Variants in REEP3 observed in about 807,000 individuals in gnomAD.
The protein encoded by REEP3 is receptor expression-enhancing protein 3.
REEP3 carries 20 observed loss-of-function variants against 41.3 expected under a neutral mutation model. The ratio of observed to expected loss-of-function variants is 0.48; its 90% CI spans 0.34 to 0.70. The LOEUF (loss-of-function observed/expected upper bound fraction) is 0.70. Ranked by LOEUF, REEP3 falls within the 30% of genes least tolerant of loss-of-function variation. The pLI is 0.01. For synonymous variants in REEP3, 104 were observed against 101.8 expected (o/e 1.02, Z -0.13); for missense variants, 271 against 308.8 (o/e 0.88, Z 0.92).
intron 2 of REEP3, among the ~76,000 whole-genome samples, chr10:63,581,732 G>A (rs1955955922): frequency 6.7e-6 from 1 of 148,378 alleles, no homozygotes; most frequent in Admixed American, 6.6e-5. Flanking sequence ...GACAGAGCAA[G>A]ACCCTGTATT....
At chr10:63,589,700 C>T (rs1215919789) in intron 2 of REEP3, among the ~76,000 whole-genome samples, 1 of 151,014 alleles carries the variant, frequency 6.6e-6, no homozygotes, top group Admixed American at 6.6e-5. Context: ...ATAAATAATC[C>T]CTTTAGTAAG....
In REEP3 at chr10:63,621,267, A is replaced by C. The variant is rs1956351382; in HGVS notation, c.*398A>C. 1 of 154,274 alleles carries C rather than the reference A, an allele frequency of 6.5e-6. No individual in the cohort carries two copies. The highest frequency in any genetic ancestry group is 6.5e-5 in the Admixed American group (1 of 15,416). 9.6% of individuals were successfully genotyped at this position (154,274 alleles called of 1,614,324 possible). ...TCCTTTTGTGTTGTATCTGGTAATT[A>C]AATAGGCCTCAGATTCAGCAGTGAC... On this transcript the variant is annotated 3_prime_UTR_variant, in exon 8 of 8. Transcript: ENST00000373758.
chr10:63,603,114 C>T (rs1956188264), intron 5 of REEP3, among the ~76,000 whole-genome samples: 1 of 151,618 alleles, frequency 6.6e-6, no homozygotes, highest in Admixed American at 6.6e-5. Flanking sequence ...GAGATTGAGA[C>T]CATCCTGGCT....
chr10:63,533,394 T>C (rs1589856936), intron 1 of REEP3, among the ~76,000 whole-genome samples: 1 of 152,216 alleles, frequency 6.6e-6, no homozygotes, highest in Admixed American at 6.5e-5. Context: ...AGTTCTTCAC[T>C]GGTTTGTGGC....
chr10:63,616,797 T>C (rs1440458065), intron 6 of REEP3, among the ~76,000 whole-genome samples: 1 of 151,964 alleles, frequency 6.6e-6, no homozygotes, highest in Non-Finnish European at 1.5e-5. Context: ...CAAACATCAA[T>C]AGGAAAAAAA....
At chr10:63,619,135 A>G (rs760763769) in intron 6 of REEP3, among the ~76,000 whole-genome samples, 3 of 152,186 alleles carry the variant, frequency 2.0e-5, no homozygotes, top group Non-Finnish European at 4.4e-5. Context: ...TATTTTGCCC[A>G]AAGTTCTAGC....
chr10:63,530,561 A>C (rs1955411010), intron 1 of REEP3, among the ~76,000 whole-genome samples: 1 of 152,230 alleles, frequency 6.6e-6, no homozygotes, highest in Non-Finnish European at 1.5e-5. Flanking sequence ...AACACATTCT[A>C]AACTATTGGG....
At chr10:63,586,715 A>T (rs1956010505) in intron 2 of REEP3, among the ~76,000 whole-genome samples, 1 of 152,196 alleles carries the variant, frequency 6.6e-6, no homozygotes, top group Non-Finnish European at 1.5e-5. Context: ...TGGTAGGGGT[A>T]GAGATGGGGT....
chr10:63,533,360 A>G (rs747298979), intron 1 of REEP3, among the ~76,000 whole-genome samples: 15 of 152,188 alleles, frequency 9.9e-5, no homozygotes, highest in Non-Finnish European at 1.5e-4. Flanking sequence ...TATTTGCCTA[A>G]TGGATACCGT....
rs1394986893 is a variant in REEP3, at chr10:63,566,320, C to A, written c.33-18C>A. On this transcript the variant is annotated intron_variant, in intron 1 of 7. Transcript: ENST00000373758. The stretch of plus-strand genomic sequence containing the variant: ...CATTGTTGTGTTTGAACAGTATTCT[C>A]ATTTTTTTTACTTTTAGGCTGGTGT... 1 of 1,459,602 alleles carries A rather than the reference C, an allele frequency of 6.9e-7. No individual in the cohort carries two copies. Among genetic ancestry groups the A allele is most frequent in the Admixed American group, 2.0e-5 (1 of 50,234 alleles). The allele number at this position is 1,459,602 out of a possible 1,614,324, so 90.4% of individuals were successfully genotyped here. A position where few individuals can be genotyped will look rare whatever the true frequency, so the allele number is the denominator to read the frequency against.
chr10:63,573,593 G>T (rs1955872386), intron 2 of REEP3, among the ~76,000 whole-genome samples: 1 of 152,202 alleles, frequency 6.6e-6, no homozygotes, highest in African/African-American at 2.4e-5. Context: ...AAAAGGCCTA[G>T]AAATGGCCCT....
At chr10:63,550,621 TA>T (rs996251386) in intron 1 of REEP3, among the ~76,000 whole-genome samples, 1 of 152,146 alleles carries the variant, frequency 6.6e-6, no homozygotes, top group African/African-American at 2.4e-5. Flanking sequence ...TCTGGTAAGG[TA>T]GCATTCACAG....
At chr10:63,564,608 G>A (rs960752107) in intron 1 of REEP3, among the ~76,000 whole-genome samples, 34 of 150,052 alleles carry the variant, frequency 2.3e-4, no homozygotes, top group South Asian at 8.5e-4. Context: ...GGGCGACGGC[G>A]AGACCCTGTC....
At chr10:63,596,186 C>A (rs1381332914) in intron 3 of REEP3, among the ~76,000 whole-genome samples, 1 of 152,118 alleles carries the variant, frequency 6.6e-6, no homozygotes, top group Non-Finnish European at 1.5e-5. Context: ...CTGTATCTGT[C>A]TTCTGATTTG....
At chr10:63,618,543 G>A (rs1005453587) in intron 6 of REEP3, among the ~76,000 whole-genome samples, 10 of 151,850 alleles carry the variant, frequency 6.6e-5, no homozygotes, top group South Asian at 4.2e-4. Flanking sequence ...CACCATGCCC[G>A]GCCTCTTCAT....
intron 1 of REEP3, among the ~76,000 whole-genome samples, chr10:63,550,308 T>C (rs1955616580): frequency 6.6e-6 from 1 of 151,378 alleles, no homozygotes; most frequent in Non-Finnish European, 1.5e-5. Context: ...ACTAGATTGT[T>C]TGGGAATATG....
At chr10:63,602,794 C>G (rs574959720) in intron 5 of REEP3, among the ~76,000 whole-genome samples, 2 of 152,292 alleles carry the variant, frequency 1.3e-5, no homozygotes, top group Admixed American at 1.3e-4. Flanking sequence ...TTATCTTACA[C>G]TTCGCCTCCA....
chr10:63,616,551 G>A (rs1956313721), intron 6 of REEP3, among the ~76,000 whole-genome samples: 1 of 151,782 alleles, frequency 6.6e-6, no homozygotes, highest in Admixed American at 6.6e-5. Flanking sequence ...TTTTTTAGCT[G>A]GAATTAGGAA....
rs1286966289 is a variant in REEP3, at chr10:63,621,482, T to G, written c.*613T>G. On this transcript the variant is annotated 3_prime_UTR_variant, in exon 8 of 8. Coordinates refer to ENST00000373758, the MANE Select transcript of REEP3 (RefSeq NM_001001330.3). ...CACACTTGAAAATTGTTTACTTATT[T>G]TACAACTGTTTTACTGATGCTATCT... 6.6e-6 allele frequency: 1 copy of G among 152,638 alleles called. No individual in the cohort carries two copies. The highest frequency in any genetic ancestry group is 2.4e-5 in the African/African-American group (1 of 41,464). The allele number at this position is 152,638 out of a possible 1,614,324, so 9.5% of individuals were successfully genotyped here.
Sources: gnomAD v4.1 joint callset for allele counts (sites outside exome capture counted in the v4.1 genomes callset) on GRCh38, gnomAD v4.1.1 for gene constraint, MANE v1.5 for transcripts, NCBI Gene and HGNC (gene_info 2026-07-23, HGNC 2026-07-21) for gene names.